Variants in PLCB4 observed in about 807,000 individuals in gnomAD.
PLCB4 encodes phospholipase C beta 4.
Under a neutral mutation model 178.8 loss-of-function variants are expected in PLCB4, and 77 were observed. That is an observed-to-expected ratio of 0.43 (90% CI 0.36 to 0.52). The LOEUF (loss-of-function observed/expected upper bound fraction) is 0.52. Ranked by LOEUF, PLCB4 falls within the 20% of genes least tolerant of loss-of-function variation. The pLI is 0.00. For synonymous variants in PLCB4, 496 were observed against 490.8 expected, an observed-to-expected ratio of 1.01 and a Z score of -0.14; for missense variants, 1,024 against 1,453.4, an observed-to-expected ratio of 0.70 and a Z score of 4.80.
chr20:9,184,618 AAAAC>A (rs1568913123), intron 2 of PLCB4, among the ~76,000 whole-genome samples: 2 of 147,826 alleles, frequency 1.4e-5, no homozygotes. Context: ...AAAAAAAAAA[AAAAC>A]CTCTGGTTTT....
At chr20:9,079,293 T>A (rs1290714559) in intron 1 of PLCB4, among the ~76,000 whole-genome samples, 1 of 152,120 alleles carries the variant, frequency 6.6e-6, no homozygotes, top group African/African-American at 2.4e-5. Flanking sequence ...AAGGGACCTT[T>A]TGCAAGGTGT....
At chr20:9,221,170 C>T (rs1455592449) in intron 3 of PLCB4, among the ~76,000 whole-genome samples, 1 of 152,048 alleles carries the variant, frequency 6.6e-6, no homozygotes, top group Admixed American at 6.6e-5. Context: ...GTGCCTGCCC[C>T]AGCCTGATCC....
At chr20:9,136,935 G>A (rs2092395819) in intron 2 of PLCB4, among the ~76,000 whole-genome samples, 1 of 152,052 alleles carries the variant, frequency 6.6e-6, no homozygotes, top group Non-Finnish European at 1.5e-5. Context: ...TTTAGAATGG[G>A]TTCAGGCAGT....
chr20:9,074,522 A>G (rs1477436569), intron 1 of PLCB4, among the ~76,000 whole-genome samples: 2 of 152,178 alleles, frequency 1.3e-5, no homozygotes, highest in African/African-American at 2.4e-5. Context: ...GACCTTATCC[A>G]TACAAAGCAG....
At chr20:9,139,535 AG>A (rs973544797) in intron 2 of PLCB4, among the ~76,000 whole-genome samples, 22 of 152,118 alleles carry the variant, frequency 1.4e-4, no homozygotes, top group African/African-American at 5.1e-4. Context: ...GGCTTCCAAG[AG>A]GGAGCTTATA....
chr20:9,271,430 T>C (rs1386728251), intron 3 of PLCB4, among the ~76,000 whole-genome samples: 1 of 152,140 alleles, frequency 6.6e-6, no homozygotes, highest in African/African-American at 2.4e-5. Flanking sequence ...ATTCCCAGGA[T>C]TTACATAGCT....
intron 3 of PLCB4, among the ~76,000 whole-genome samples, chr20:9,293,361 AG>A (rs2094598721): frequency 6.8e-6 from 1 of 148,028 alleles, no homozygotes; most frequent in Admixed American, 6.7e-5. Context: ...AGAGGAATGA[AG>A]GAAGGAAGGA....
At chr20:9,158,167 A>G (rs2092821671) in intron 2 of PLCB4, among the ~76,000 whole-genome samples, 1 of 152,172 alleles carries the variant, frequency 6.6e-6, no homozygotes, top group Admixed American at 6.5e-5. Flanking sequence ...TCACTACACT[A>G]CAAGTATTTT....
At chr20:9,395,669 A>G in intron 19 of PLCB4, 51 bp downstream of exon 19, 1 of 1,357,972 alleles carries the variant, frequency 7.4e-7, no homozygotes, top group Non-Finnish European at 1.0e-6. Flanking sequence ...ATACTTTTTA[A>G]ATAAGAAAAC....
At chr20:9,391,515 C>T (rs1316596401) in intron 17 of PLCB4, among the ~76,000 whole-genome samples, 2 of 152,174 alleles carry the variant, frequency 1.3e-5, no homozygotes, top group African/African-American at 4.8e-5. Context: ...TACATGTAAA[C>T]ACTTTATGAG....
At chr20:9,225,872 A>G (rs1408595760) in intron 3 of PLCB4, among the ~76,000 whole-genome samples, 3 of 152,222 alleles carry the variant, frequency 2.0e-5, no homozygotes, top group Middle Eastern at 3.2e-3. Context: ...AAAGTTCTTA[A>G]CTATTTTACT....
chr20:9,242,871 A>G (rs2094081180), intron 3 of PLCB4, among the ~76,000 whole-genome samples: 1 of 152,092 alleles, frequency 6.6e-6, no homozygotes, highest in Non-Finnish European at 1.5e-5. Context: ...AGCCCTCCCC[A>G]GGTGATGTTG....
intron 27 of PLCB4, among the ~76,000 whole-genome samples, chr20:9,421,889 C>T (rs964244764): frequency 6.6e-6 from 1 of 152,190 alleles, no homozygotes; most frequent in Non-Finnish European, 1.5e-5. Flanking sequence ...TCCTGTCTCT[C>T]CTGAAAGAGT....
At chr20:9,340,404 T>G (rs1345307610) in intron 7 of PLCB4, among the ~76,000 whole-genome samples, 2 of 152,170 alleles carry the variant, frequency 1.3e-5, no homozygotes, top group Admixed American at 6.5e-5. Flanking sequence ...ATCTTCATTT[T>G]TGACAAGATG....
chr20:9,407,417 T>G (rs965485166), intron 21 of PLCB4, among the ~76,000 whole-genome samples: 7 of 151,760 alleles, frequency 4.6e-5, no homozygotes, highest in Non-Finnish European at 8.8e-5. Context: ...TTGCCTGGTC[T>G]GGAGTGCAGT....
chr20:9,127,638 TTATCTATC>T (rs35789567), intron 2 of PLCB4, among the ~76,000 whole-genome samples: 13,405 of 146,714 alleles, frequency 0.091, 937 homozygotes, highest in East Asian at 0.32. Flanking sequence ...GGTGGTAAAA[TTATCTATC>T]TATCTATCTA....
At chr20:9,257,894 G>A (rs2147523942) in intron 3 of PLCB4, among the ~76,000 whole-genome samples, 1 of 152,254 alleles carries the variant, frequency 6.6e-6, no homozygotes, top group Middle Eastern at 3.4e-3. Context: ...CCTATGAAAA[G>A]GAGGACTTCA....
intron 1 of PLCB4, among the ~76,000 whole-genome samples, chr20:9,084,382 G>T (rs921479213): frequency 2.6e-5 from 4 of 152,152 alleles, no homozygotes; most frequent in African/African-American, 9.7e-5. Flanking sequence ...TGCTATCAAT[G>T]TAAGTCCTGG....
At chr20:9,162,321 G>T (rs1384825958) in intron 2 of PLCB4, among the ~76,000 whole-genome samples, 1 of 152,110 alleles carries the variant, frequency 6.6e-6, no homozygotes, top group Non-Finnish European at 1.5e-5. Flanking sequence ...ATAGACTTTT[G>T]GAGGAAAAGG....
Sources: gnomAD v4.1 joint callset for allele counts (sites outside exome capture counted in the v4.1 genomes callset) on GRCh38, gnomAD v4.1.1 for gene constraint, MANE v1.5 for transcripts, NCBI Gene and HGNC (gene_info 2026-07-23, HGNC 2026-07-21) for gene names.